Variants in ADGRL3 observed in about 807,000 individuals in gnomAD.
ADGRL3 encodes calcium-independent alpha-latrotoxin receptor 3.
In ADGRL3, 62 loss-of-function variants were observed where a neutral mutation model predicts 153.5. The observed-to-expected ratio is 0.40, with a 90% CI of 0.33 to 0.50. The LOEUF (loss-of-function observed/expected upper bound fraction) is 0.50. Among genes scored for constraint, ADGRL3 ranks in the 20% least tolerant of loss-of-function variants. The probability of loss-of-function intolerance (pLI) is 0.47; values close to 1 mark genes in which losing one functional copy is unlikely to be tolerated. For synonymous variants in ADGRL3, 710 were observed against 672.5 expected, an observed-to-expected ratio of 1.06 and a Z score of -0.86; for missense variants, 1,641 against 1,859.4, an observed-to-expected ratio of 0.88 and a Z score of 2.16.
chr4:61,483,214 G>T (rs2098150198), intron 2 of ADGRL3, among the ~76,000 whole-genome samples: 1 of 152,012 alleles, frequency 6.6e-6, no homozygotes, highest in South Asian at 2.1e-4. Flanking sequence ...GTATTTGATT[G>T]ATTTAATTAT....
intron 1 of ADGRL3, among the ~76,000 whole-genome samples, chr4:61,215,502 C>A (rs1419583905): frequency 2.7e-5 from 4 of 145,996 alleles, no homozygotes; most frequent in Non-Finnish European, 4.5e-5. Flanking sequence ...CCCAAAGTTA[C>A]ATGGCAGTTT....
At chr4:62,019,840 A>G (rs1365372410) in intron 21 of ADGRL3, among the ~76,000 whole-genome samples, 2 of 152,166 alleles carry the variant, frequency 1.3e-5, no homozygotes. Context: ...TTACTAATTT[A>G]TAACTTTTTA....
chr4:61,602,664 G>A (rs970038515), intron 5 of ADGRL3, among the ~76,000 whole-genome samples: 2 of 152,100 alleles, frequency 1.3e-5, no homozygotes, highest in African/African-American at 4.8e-5. Flanking sequence ...GCTCACCAAA[G>A]GTCAGTCTGC....
At chr4:61,251,050 T>C (rs978179197) in intron 1 of ADGRL3, among the ~76,000 whole-genome samples, 3 of 152,184 alleles carry the variant, frequency 2.0e-5, no homozygotes, top group Non-Finnish European at 4.4e-5. Context: ...ATAAAAAACT[T>C]CCCAAATCTA....
chr4:61,577,757 G>T, intron 4 of ADGRL3, among the ~76,000 whole-genome samples: 1 of 151,494 alleles, frequency 6.6e-6, no homozygotes, highest in East Asian at 2.0e-4. Context: ...AGGTTGTAGT[G>T]ACATATGATC....
At chr4:61,682,468 C>T (rs74698783) in intron 6 of ADGRL3, among the ~76,000 whole-genome samples, 4,153 of 151,830 alleles carry the variant, frequency 0.027, 128 homozygotes, top group East Asian at 0.12. Flanking sequence ...TGCTTATATG[C>T]CAAAAATATT....
chr4:61,763,113 A>T (rs1407942886), intron 8 of ADGRL3, among the ~76,000 whole-genome samples: 1 of 151,760 alleles, frequency 6.6e-6, no homozygotes, highest in Admixed American at 6.6e-5. Flanking sequence ...TTTCTTGCAC[A>T]CTTTGCATAA....
rs1356032358 is a variant in ADGRL3, at chr4:61,945,774, A to G, written c.2420-1140A>G. Among the ~76,000 whole-genome samples, 3 of 151,802 alleles carry G rather than the reference A, an allele frequency of 2.0e-5. No individual in the cohort carries two copies. The East Asian group carries it at 6.0e-4, about 30-fold the overall frequency. ...CCCCTTGCGCTTCCCAGGTGAGGCA[A>G]TGCCTCGCCCTGCTTCGGCTCGCGC... On this transcript the variant is annotated intron_variant, in intron 15 of 26. Coordinates refer to ENST00000683033, the MANE Select transcript of ADGRL3 (RefSeq NM_001387552.1).
intron 1 of ADGRL3, among the ~76,000 whole-genome samples, chr4:61,378,896 T>A (rs2096635668): frequency 6.6e-6 from 1 of 151,860 alleles, no homozygotes; most frequent in Non-Finnish European, 1.5e-5. Flanking sequence ...TGAGACAAGA[T>A]TAGTGGCAGG....
chr4:61,689,024 G>A (rs954950638), intron 6 of ADGRL3, among the ~76,000 whole-genome samples: 3 of 152,248 alleles, frequency 2.0e-5, no homozygotes, highest in South Asian at 2.1e-4. Flanking sequence ...GCAGTGGCAC[G>A]AATAATGGCT....
In ADGRL3 at chr4:61,259,254, T is replaced by A. The variant is rs955400468; in HGVS notation, c.-240+57489T>A. On this transcript the variant is annotated intron_variant, in intron 1 of 26. Transcript: ENST00000683033. ...CTGGCTAACACAGTGAAACCCCGTC[T>A]CTACTAAAAATATAAAAAATTAGCC... 6.6e-5 allele frequency among the ~76,000 whole-genome samples: 10 copies of A among 152,078 alleles called. No individual in the cohort carries two copies. The Middle Eastern group carries it at 0.01, about 155-fold the overall frequency.
chr4:61,997,430 A>T (rs1017929153), intron 20 of ADGRL3, among the ~76,000 whole-genome samples: 1 of 152,050 alleles, frequency 6.6e-6, no homozygotes, highest in Non-Finnish European at 1.5e-5. Flanking sequence ...GATGATTGAT[A>T]AAGTATTGCG....
At chr4:61,401,075 T>TA (rs2096924928) in intron 2 of ADGRL3, among the ~76,000 whole-genome samples, 1 of 151,622 alleles carries the variant, frequency 6.6e-6, no homozygotes, top group African/African-American at 2.4e-5. Flanking sequence ...CTTTTTTTTT[T>TA]TAAAAAAAAG....
intron 9 of ADGRL3, among the ~76,000 whole-genome samples, chr4:61,814,636 G>A (rs116303319): frequency 0.011 from 1,670 of 152,162 alleles, 40 homozygotes; most frequent in African/African-American, 0.037. Context: ...ATTTTCAACA[G>A]TATTAATTAC....
chr4:62,015,243 C>T (rs1379721936), intron 21 of ADGRL3, among the ~76,000 whole-genome samples: 3 of 152,110 alleles, frequency 2.0e-5, no homozygotes, highest in Admixed American at 2.0e-4. Context: ...TCATCAAGGT[C>T]CCTGGCACTT....
chr4:61,973,722 T>C (rs947325422), intron 17 of ADGRL3, among the ~76,000 whole-genome samples: 2 of 151,986 alleles, frequency 1.3e-5, no homozygotes, highest in East Asian at 1.9e-4. Context: ...TTTCCAAGAG[T>C]TCCTTTCAAA....
chr4:61,656,556 TGAAAGTCA>T (rs2094448312), intron 5 of ADGRL3, among the ~76,000 whole-genome samples: 1 of 152,058 alleles, frequency 6.6e-6, no homozygotes, highest in African/African-American at 2.4e-5. Context: ...CTGGGTAAAA[TGAAAGTCA>T]AGAAAAGATT....
chr4:61,687,553 A>T (rs1011320930), intron 6 of ADGRL3, among the ~76,000 whole-genome samples: 3 of 151,968 alleles, frequency 2.0e-5, no homozygotes, highest in East Asian at 3.9e-4. Flanking sequence ...TGGACTAGGG[A>T]AGGGTGGGAT....
chr4:62,032,665 A>C (rs949347898), intron 23 of ADGRL3, among the ~76,000 whole-genome samples: 2 of 151,758 alleles, frequency 1.3e-5, no homozygotes, highest in South Asian at 4.1e-4. Context: ...AAAAGTAAAG[A>C]TATCCCTTTC....
Sources: gnomAD v4.1 joint callset for allele counts (sites outside exome capture counted in the v4.1 genomes callset) on GRCh38, gnomAD v4.1.1 for gene constraint, MANE v1.5 for transcripts, NCBI Gene and HGNC (gene_info 2026-07-23, HGNC 2026-07-21) for gene names.